C2orf76: variants seen among roughly 807,000 people sequenced by gnomAD.
C2orf76 encodes chromosome 2 open reading frame 76.
In C2orf76, 23 loss-of-function variants were observed where a neutral mutation model predicts 16.9. That is an observed-to-expected ratio of 1.36 (90% confidence interval 0.98 to 1.93). The LOEUF is 1.93. Ranked by LOEUF, C2orf76 falls within the 30% of genes most tolerant of loss-of-function variation. The pLI is 0.00. For missense variants in C2orf76, 152 were observed against 152.6 expected (o/e 1.00, Z 0.02); for synonymous variants, 48 against 52.3 (o/e 0.92, Z 0.35).
chr2:119,289,119 T>C, the C2orf76 span, among the ~76,000 whole-genome samples: 540 of 152,092 alleles, frequency 3.6e-3, 3 homozygotes, highest in African/African-American at 0.012. Context: ...CTCTGTCCCT[T>C]TGACTTGGAG....
At chr2:119,335,083 C>T (rs1679805059) in intron 2 of C2orf76, among the ~76,000 whole-genome samples, 1 of 152,052 alleles carries the variant, frequency 6.6e-6, no homozygotes, top group South Asian at 2.1e-4. Context: ...GGTAATGGAT[C>T]AGAGATGGAA....
intron 1 of C2orf76, among the ~76,000 whole-genome samples, chr2:119,348,090 G>A (rs766570098): frequency 9.3e-4 from 139 of 148,934 alleles, no homozygotes; most frequent in Middle Eastern, 3.5e-3. Flanking sequence ...ATTGTTAACT[G>A]TTGAAGTTGG....
the C2orf76 span, among the ~76,000 whole-genome samples, chr2:119,293,834 T>A: frequency 6.6e-6 from 1 of 152,156 alleles, no homozygotes; most frequent in Non-Finnish European, 1.5e-5. Flanking sequence ...CTGGAGGTCA[T>A]GTCCTTCAGT....
intron 2 of C2orf76, among the ~76,000 whole-genome samples, chr2:119,321,806 C>T (rs1259282567): frequency 6.6e-6 from 1 of 151,834 alleles, no homozygotes; most frequent in Non-Finnish European, 1.5e-5. Context: ...CATTAGACAA[C>T]AGTATCTATG....
chr2:119,288,785 C>T, the C2orf76 span, among the ~76,000 whole-genome samples: 1 of 152,008 alleles, frequency 6.6e-6, no homozygotes, highest in East Asian at 1.9e-4. Context: ...AGGCACTCAC[C>T]TGCTTAGGGT....
chr2:119,340,830 C>T (rs1210557462), intron 1 of C2orf76, among the ~76,000 whole-genome samples: 1 of 150,534 alleles, frequency 6.6e-6, no homozygotes, highest in African/African-American at 2.5e-5. Flanking sequence ...AAATTATTTC[C>T]TCCAAAAAAT....
At chr2:119,337,983 A>T (rs1679905061) in intron 2 of C2orf76, among the ~76,000 whole-genome samples, 1 of 152,248 alleles carries the variant, frequency 6.6e-6, no homozygotes, top group African/African-American at 2.4e-5. Context: ...AGAACATCAT[A>T]GCACTTGCTG....
At chr2:119,310,183 T>C (rs1558776722) in intron 5 of C2orf76, among the ~76,000 whole-genome samples, 1 of 152,230 alleles carries the variant, frequency 6.6e-6, no homozygotes, top group Non-Finnish European at 1.5e-5. Context: ...CCCATTAATA[T>C]CAGTCTGTAA....
downstream of C2orf76, among the ~76,000 whole-genome samples, chr2:119,299,714 A>C (rs1418425135): frequency 6.6e-6 from 1 of 152,314 alleles, no homozygotes; most frequent in African/African-American, 2.4e-5. Flanking sequence ...TATAAGAAAA[A>C]TACATACCAA....
At chr2:119,353,604 C>G (rs1428881292) in intron 1 of C2orf76, among the ~76,000 whole-genome samples, 6 of 145,442 alleles carry the variant, frequency 4.1e-5, no homozygotes, top group Non-Finnish European at 8.9e-5. Flanking sequence ...TGCTCTGTCA[C>G]CCAGGCTGGA....
chr2:119,329,819 TTG>T lies in C2orf76; in HGVS notation c.134-8617_134-8616del, dbSNP rs1679616973. Reference sequence around the variant, plus strand: ...CCACAAAACCCACAATACGTTGTTGTTGTGTTTCTTTAAATGGTCAAATATTT... The same window carrying T: ...CCACAAAACCCACAATACGTTGTTGTTGTTTCTTTAAATGGTCAAATATTT... On this transcript the variant is annotated intron_variant, in intron 2 of 5. Coordinates refer to ENST00000334816, the MANE Select transcript of C2orf76 (RefSeq NM_001322331.2). 2.6e-5 allele frequency among the ~76,000 whole-genome samples: 4 copies of T among 152,302 alleles called. 1 individual carries two copies. In the South Asian group the frequency reaches 8.3e-4, roughly 32 times the overall value.
intron 1 of C2orf76, among the ~76,000 whole-genome samples, chr2:119,353,907 A>G (rs1352124296): frequency 1.3e-5 from 2 of 152,146 alleles, no homozygotes; most frequent in East Asian, 3.9e-4. Flanking sequence ...GGGTGGGAAA[A>G]GGATTGGGAG....
intron 4 of C2orf76, among the ~76,000 whole-genome samples, chr2:119,315,391 C>T (rs78051724): frequency 0.039 from 5,895 of 152,238 alleles, 365 homozygotes; most frequent in African/African-American, 0.13. Context: ...AGAAGTCTCT[C>T]CTTTCAGCTG....
At chr2:119,349,443 G>A (rs1276175634) in intron 1 of C2orf76, among the ~76,000 whole-genome samples, 1 of 152,200 alleles carries the variant, frequency 6.6e-6, no homozygotes, top group African/African-American at 2.4e-5. Flanking sequence ...AATCCAAACA[G>A]CATTCGGAGG....
intron 1 of C2orf76, among the ~76,000 whole-genome samples, chr2:119,354,319 G>A (rs879626094): frequency 1.1e-4 from 17 of 152,254 alleles, no homozygotes; most frequent in Admixed American, 3.3e-4. Flanking sequence ...TCAGGAGTTC[G>A]AGACCAGCCT....
intron 2 of C2orf76, among the ~76,000 whole-genome samples, chr2:119,334,703 A>AAAT (rs1553448071): frequency 0.018 from 2,562 of 146,138 alleles, 36 homozygotes; most frequent in Non-Finnish European, 0.028. Flanking sequence ...AAAAAAACAA[A>AAAT]ATATATATAT....
Position 119,328,035 on chromosome 2 carries a change from TTTTTC to T in C2orf76, c.134-6836_134-6832del, listed in dbSNP as rs765157326. 7.0e-4 allele frequency among the ~76,000 whole-genome samples: 106 copies of T among 152,048 alleles called. 2 individuals are homozygous for T. The highest frequency in any genetic ancestry group is 1.9e-4 in the Non-Finnish European group (13 of 68,004). ...AAAATATTCTGCCCCCCTCCTTTTT[TTTTTC>T]TTAAGAGACAGTATCTCGCTATGTT... On this transcript the variant is annotated intron_variant, in intron 2 of 5. Transcript: ENST00000334816.
intron 2 of C2orf76, among the ~76,000 whole-genome samples, chr2:119,336,073 A>G (rs1346439185): frequency 6.6e-6 from 1 of 152,162 alleles, no homozygotes; most frequent in Non-Finnish European, 1.5e-5. Context: ...ATATTATGAT[A>G]CCTCTATGAT....
At chr2:119,297,390 A>G (rs1678556954), downstream of C2orf76, among the ~76,000 whole-genome samples, 1 of 152,250 alleles carries the variant, frequency 6.6e-6, no homozygotes, top group African/African-American at 2.4e-5. Flanking sequence ...GCATACCTAT[A>G]TGTTTAAATA....
Sources: allele counts gnomAD v4.1 joint callset (sites outside exome capture counted in the v4.1 genomes callset), GRCh38; gene constraint gnomAD v4.1.1; transcripts MANE v1.5; gene names NCBI Gene and HGNC (gene_info 2026-07-23, HGNC 2026-07-21).